Variants in ASPH observed in about 807,000 individuals in gnomAD.
ASPH encodes aspartyl/asparaginyl beta-hydroxylase.
Under a neutral mutation model 118.4 loss-of-function variants are expected in ASPH, and 100 were observed. That is an observed-to-expected ratio of 0.84 (90% confidence interval 0.72 to 1.00). ASPH has a LOEUF of 1.00. Ranked by LOEUF, ASPH falls within the 50% of genes least tolerant of loss-of-function variation. The pLI is 0.00. For missense variants in ASPH, 920 were observed against 919.5 expected (o/e 1.00, Z -0.01); for synonymous variants, 315 against 325.6 (o/e 0.97, Z 0.35).
At chr8:61,618,920 A>C in intron 14 of ASPH, 58 bp downstream of exon 14, 1 of 1,423,750 alleles carries the variant, frequency 7.0e-7, no homozygotes, top group Non-Finnish European at 9.8e-7. Context: ...TGGAACATAA[A>C]ATCATGTTAT....
chr8:61,539,711 T>G (rs937294264), intron 21 of ASPH, among the ~76,000 whole-genome samples: 1 of 149,342 alleles, frequency 6.7e-6, no homozygotes, highest in East Asian at 2.0e-4. Context: ...TGTGTGTGTG[T>G]GTGTGTGTGT....
At position 61,652,773 on chromosome 8, in the gene ASPH, TGA is replaced by T. The variant is rs980879823; in HGVS notation, c.415+793_415+794del. On this transcript the variant is annotated intron_variant, in intron 4 of 24. Coordinates refer to ENST00000379454, the MANE Select transcript of ASPH (RefSeq NM_004318.4). ...TATGATCATAGCAATTCTACAGGAATGAGAGAGAATACATTGTCCTAGGATTA... is the reference window on the plus strand; with the variant it reads ...TATGATCATAGCAATTCTACAGGAATGAGAGAATACATTGTCCTAGGATTA... Among the ~76,000 whole-genome samples the T allele has an allele frequency of 7.9e-5, 12 of 152,242 alleles. No homozygotes were observed. In the East Asian group the frequency reaches 1.9e-3, roughly 24 times the overall value.
intron 3 of ASPH, among the ~76,000 whole-genome samples, chr8:61,669,814 G>A (rs1194921334): frequency 2.0e-5 from 3 of 152,132 alleles, no homozygotes; most frequent in African/African-American, 7.2e-5. Flanking sequence ...CCACTGTTAT[G>A]ATCTAGGTAA....
intron 13 of ASPH, among the ~76,000 whole-genome samples, chr8:61,629,798 G>C (rs1011208636): frequency 3.3e-5 from 5 of 152,170 alleles, no homozygotes; most frequent in African/African-American, 9.7e-5. Flanking sequence ...AAATCTCTCA[G>C]CTGTCACGTC....
intron 2 of ASPH, among the ~76,000 whole-genome samples, chr8:61,683,099 T>C (rs1433911525): frequency 1.3e-5 from 2 of 152,202 alleles, no homozygotes; most frequent in East Asian, 1.9e-4. Flanking sequence ...GATCATATAA[T>C]GTATGGTTCC....
At chr8:61,653,494 G>A (rs1812125648) in intron 4 of ASPH, 74 bp downstream of exon 4, 17 of 1,404,486 alleles carry the variant, frequency 1.2e-5, no homozygotes, top group East Asian at 2.3e-5. Flanking sequence ...CAGGTAAAAC[G>A]TGATTCTGTA....
In ASPH at chr8:61,503,292, C is replaced by T. The variant is rs1389549675; in HGVS notation, c.*67G>A. ...CTTGGTGTTCGAAATTCTATCCTCA[C>T]ACCCAAGGAGATGGAACCAGAAAGG... On this transcript the variant is annotated 3_prime_UTR_variant, in exon 25 of 25. Transcript: ENST00000379454. The T allele has an allele frequency of 6.5e-7, 1 of 1,527,596 alleles. No homozygotes were observed. Among genetic ancestry groups the T allele is most frequent in the Non-Finnish European group, 8.8e-7 (1 of 1,131,828 alleles). 94.6% of individuals were successfully genotyped at this position (1,527,596 alleles called of 1,614,324 possible).
At chr8:61,527,887 T>C (rs17790639) in intron 21 of ASPH, among the ~76,000 whole-genome samples, 13,461 of 152,276 alleles carry the variant, frequency 0.088, 680 homozygotes, top group Non-Finnish European at 0.12. Flanking sequence ...TTTCCAGTTG[T>C]AGTTGTTTTC....
At chr8:61,712,934 G>C (rs1019246662) in intron 1 of ASPH, among the ~76,000 whole-genome samples, 4 of 152,192 alleles carry the variant, frequency 2.6e-5, no homozygotes, top group African/African-American at 9.6e-5. Context: ...AGTGCCCTTA[G>C]AGGCACAATG....
chr8:61,580,952 A>G (rs928828885), intron 15 of ASPH, among the ~76,000 whole-genome samples: 2 of 152,240 alleles, frequency 1.3e-5, no homozygotes, highest in Admixed American at 6.5e-5. Flanking sequence ...TATGCACCCC[A>G]TGCAACTTAA....
chr8:61,508,199 A>T (rs375253467), intron 24 of ASPH, among the ~76,000 whole-genome samples: 4 of 152,064 alleles, frequency 2.6e-5, no homozygotes, highest in Non-Finnish European at 5.9e-5. Flanking sequence ...ATTTTTTTGT[A>T]GAGATGGGGT....
At chr8:61,522,517 A>C (rs1484993006) in intron 22 of ASPH, among the ~76,000 whole-genome samples, 1 of 152,156 alleles carries the variant, frequency 6.6e-6, no homozygotes, top group African/African-American at 2.4e-5. Context: ...TATAGTTCCC[A>C]TAATCCCCAT....
chr8:61,642,848 A>G (rs551050360), intron 10 of ASPH, 40 bp downstream of exon 10: 22 of 1,488,120 alleles, frequency 1.5e-5, no homozygotes, highest in Admixed American at 4.9e-5. Context: ...TCCATCTCAA[A>G]AAAAAAAAGA....
rs57563455 is a variant in ASPH, at chr8:61,533,788, T to C, written c.1765-7676A>G. 1.6e-3 allele frequency among the ~76,000 whole-genome samples: 238 copies of C among 152,364 alleles called. 1 individual carries two copies. The highest frequency in any genetic ancestry group is 5.6e-3 in the African/African-American group (232 of 41,586). The stretch of plus-strand genomic sequence containing the variant: ...TTAGATCTGCCAAATCATCTACTTC[T>C]GTTTTCCACTTTCAAAATTACACGC... On this transcript the variant is annotated intron_variant, in intron 21 of 24. Coordinates refer to ENST00000379454, the MANE Select transcript of ASPH (RefSeq NM_004318.4).
chr8:61,624,403 C>T (rs1006228093), intron 13 of ASPH: 37 of 985,078 alleles, frequency 3.8e-5, no homozygotes, highest in Non-Finnish European at 4.3e-5. Flanking sequence ...CGTTAACTGG[C>T]TGAAGGTATT....
chr8:61,711,171 T>G (rs1216284644), intron 1 of ASPH, among the ~76,000 whole-genome samples: 1 of 152,064 alleles, frequency 6.6e-6, no homozygotes, highest in Non-Finnish European at 1.5e-5. Context: ...CAAAAGTTAA[T>G]GTAGTAGCAG....
At chr8:61,664,430 T>C (rs1333411840) in intron 3 of ASPH, 2 of 981,810 alleles carry the variant, frequency 2.0e-6, no homozygotes, top group Non-Finnish European at 1.2e-6. Context: ...ATAAAAGTGT[T>C]CTGAAACTGT....
intron 14 of ASPH, among the ~76,000 whole-genome samples, chr8:61,588,686 C>A (rs1284245688): frequency 1.3e-5 from 2 of 152,202 alleles, no homozygotes; most frequent in Non-Finnish European, 2.9e-5. Flanking sequence ...GCTGAAAATA[C>A]ACCCATAGAT....
chr8:61,680,935 A>G, intron 3 of ASPH, 33 bp downstream of exon 3: 1 of 1,535,974 alleles, frequency 6.5e-7, no homozygotes. Context: ...GCATTTTATC[A>G]CCACTAACAA....
Sources: allele counts gnomAD v4.1 joint callset (sites outside exome capture counted in the v4.1 genomes callset), GRCh38; gene constraint gnomAD v4.1.1; transcripts MANE v1.5; gene names NCBI Gene and HGNC (gene_info 2026-07-23, HGNC 2026-07-21).